ROR1: variants seen among roughly 807,000 people sequenced by gnomAD.
ROR1 encodes the protein ROR family WNT receptor 1.
A neutral mutation model predicts 78.8 loss-of-function variants in ROR1; 19 were observed. The observed-to-expected ratio is 0.24, with a 90% CI of 0.17 to 0.35. The LOEUF (loss-of-function observed/expected upper bound fraction) is 0.35, where lower values mean the gene tolerates loss of function less well. ROR1 is among the 10% of genes least tolerant of loss of function. ROR1 has a pLI of 1.00. For synonymous variants in ROR1, 386 were observed against 433.6 expected, an observed-to-expected ratio of 0.89 and a Z score of 1.36; for missense variants, 917 against 1,177.8, an observed-to-expected ratio of 0.78 and a Z score of 3.24.
At position 63,942,631 on chromosome 1, in the gene ROR1, C is replaced by G. The variant is rs1645850182; in HGVS notation, c.92-66674C>G. 2.0e-5 allele frequency among the ~76,000 whole-genome samples: 3 copies of G among 152,114 alleles called. No homozygotes were observed. The South Asian group carries it at 6.2e-4, about 32-fold the overall frequency. ...AAAAGGCGGTTCCTTTTAGAAAAAG[C>G]TTTGCAGGGAGGAGAGCTGTGCAGC... is the stretch of plus-strand genomic sequence containing the variant. On this transcript the variant is annotated intron_variant, in intron 1 of 8. Transcript: ENST00000371079.
intron 4 of ROR1, among the ~76,000 whole-genome samples, chr1:64,078,957 A>G (rs914621887): frequency 1.3e-5 from 2 of 152,168 alleles, no homozygotes; most frequent in Non-Finnish European, 2.9e-5. Flanking sequence ...TCAAAGGAGG[A>G]GGAGGAAAAT....
At chr1:63,878,455 G>C (rs1645302140) in intron 1 of ROR1, among the ~76,000 whole-genome samples, 1 of 151,548 alleles carries the variant, frequency 6.6e-6, no homozygotes, top group African/African-American at 2.4e-5. Flanking sequence ...CATTTTCTCT[G>C]TCCCCTTCTA....
At position 63,774,336 on chromosome 1, in the gene ROR1, G is replaced by A. The variant is rs1164965085; in HGVS notation, c.-82G>A. 10 of 931,048 alleles carry A rather than the reference G, an allele frequency of 1.1e-5. No individual in the cohort carries two copies. Among genetic ancestry groups the A allele is most frequent in the South Asian group, 1.8e-5 (1 of 56,518 alleles). 57.7% of individuals were successfully genotyped at this position (931,048 alleles called of 1,614,324 possible). A position where few individuals can be genotyped will look rare whatever the true frequency, so the allele number is the denominator to read the frequency against. On this transcript the variant is annotated 5_prime_UTR_variant, in exon 1 of 9. Coordinates refer to ENST00000371079, the MANE Select transcript of ROR1 (RefSeq NM_005012.4). This position sits in a 1 kb window ranked among gnomAD's most constrained non-coding sequence, Gnocchi z 5.7. ...CGAGCGCCAGCGGCCGGGACGAGGC[G>A]GCCGGGAGCCCGGGAAGAGCCCGTG...
intron 1 of ROR1, among the ~76,000 whole-genome samples, chr1:63,864,933 T>G (rs1165268835): frequency 6.6e-6 from 1 of 152,092 alleles, no homozygotes; most frequent in Non-Finnish European, 1.5e-5. Flanking sequence ...AAGCTTTTTA[T>G]TACTCATCCA....
intron 4 of ROR1, among the ~76,000 whole-genome samples, chr1:64,076,939 C>T (rs983568081): frequency 3.9e-5 from 6 of 152,008 alleles, no homozygotes; most frequent in Non-Finnish European, 8.8e-5. Flanking sequence ...AGCTGTGTGA[C>T]GTTGGAAAAC....
intron 4 of ROR1, among the ~76,000 whole-genome samples, chr1:64,084,801 G>T (rs1647137620): frequency 6.6e-6 from 1 of 152,196 alleles, no homozygotes; most frequent in Non-Finnish European, 1.5e-5. Context: ...ATAATTTGGG[G>T]ATGCCTTGAG....
intron 1 of ROR1, among the ~76,000 whole-genome samples, chr1:63,809,916 A>G (rs1644850374): frequency 6.6e-6 from 1 of 152,320 alleles, no homozygotes; most frequent in East Asian, 1.9e-4. Context: ...CATGAAATTC[A>G]ATTCTGTGGA....
chr1:64,023,661 A>G (rs1646584091), intron 2 of ROR1, among the ~76,000 whole-genome samples: 1 of 152,230 alleles, frequency 6.6e-6, no homozygotes, highest in Admixed American at 6.5e-5. Flanking sequence ...TTGTCTTTTT[A>G]ATGCATATAT....
In ROR1 at chr1:63,812,998, C is replaced by A. The variant is rs563814860; in HGVS notation, c.91+38490C>A. Among the ~76,000 whole-genome samples the A allele has an allele frequency of 3.0e-4, 46 of 151,806 alleles. No individual in the cohort carries two copies. The South Asian group carries it at 9.0e-3, about 30-fold the overall frequency. On this transcript the variant is annotated intron_variant, in intron 1 of 8. Transcript: ENST00000371079. ...CTGAGTGCTGTTAGGTGCTTCCCAC[C>A]ACTTTTTTAAATAAAAGAGACAGAT...
At chr1:64,055,163 C>T (rs554798514) in intron 4 of ROR1, among the ~76,000 whole-genome samples, 3 of 152,154 alleles carry the variant, frequency 2.0e-5, no homozygotes, top group Non-Finnish European at 4.4e-5. Flanking sequence ...ACCCATAACA[C>T]TTGATATTGC....
intron 1 of ROR1, among the ~76,000 whole-genome samples, chr1:63,995,610 A>G (rs1646330436): frequency 6.6e-6 from 1 of 152,172 alleles, no homozygotes; most frequent in Non-Finnish European, 1.5e-5. Flanking sequence ...GAAAGACTGG[A>G]TTTCAAATCT....
rs373928162 is a variant in ROR1, at chr1:64,093,981, C to T, written c.482+43265C>T. Among the ~76,000 whole-genome samples, 535 of 152,266 alleles carry T rather than the reference C, an allele frequency of 3.5e-3. 2 individuals carry two copies. Among genetic ancestry groups the T allele is most frequent in the South Asian group, 0.024 (115 of 4,818 alleles). On this transcript the variant is annotated intron_variant, in intron 4 of 8. Transcript: ENST00000371079. ...AAATCACTTATCCAGTGAAACTCAGCCAGAAGTGGCAGAACTTACATTGAA... is the reference window on the plus strand; with the variant it reads ...AAATCACTTATCCAGTGAAACTCAGTCAGAAGTGGCAGAACTTACATTGAA...
rs1346808148 is a variant in ROR1, at chr1:64,051,431, C to T, written c.482+715C>T. ...CGCCACTGCACTCCAGCCTGGGCAG[C>T]AGAGTGAGACTCCGTCTCAAAAATA... On this transcript the variant is annotated intron_variant, in intron 4 of 8. Coordinates refer to ENST00000371079, the MANE Select transcript of ROR1 (RefSeq NM_005012.4). Among the ~76,000 whole-genome samples the T allele has an allele frequency of 2.1e-5, 3 of 145,776 alleles. No homozygotes were observed. The East Asian group carries it at 6.1e-4, about 30-fold the overall frequency.
chr1:63,951,510 G>GCC (rs1245908301), intron 1 of ROR1, among the ~76,000 whole-genome samples: 1 of 152,196 alleles, frequency 6.6e-6, no homozygotes, highest in African/African-American at 2.4e-5. Context: ...TTGAACGGAG[G>GCC]CCTGGCTGGC....
At chr1:63,917,928 G>A (rs777628061) in intron 1 of ROR1, among the ~76,000 whole-genome samples, 20 of 152,176 alleles carry the variant, frequency 1.3e-4, no homozygotes, top group Non-Finnish European at 2.4e-4. Flanking sequence ...AAGGCAGTAG[G>A]GTGGTGGCTA....
chr1:64,080,232 G>A (rs1199733263), intron 4 of ROR1, among the ~76,000 whole-genome samples: 1 of 152,174 alleles, frequency 6.6e-6, no homozygotes, highest in Non-Finnish European at 1.5e-5. Flanking sequence ...CCCTCAGAGG[G>A]CATTTGACAA....
intron 1 of ROR1, among the ~76,000 whole-genome samples, chr1:63,847,821 C>A (rs1194860817): frequency 1.3e-5 from 2 of 152,134 alleles, no homozygotes; most frequent in Admixed American, 6.5e-5. Flanking sequence ...CAGATATACT[C>A]CCTGCTGCTG....
intron 1 of ROR1, among the ~76,000 whole-genome samples, chr1:63,874,198 A>T (rs1400371601): frequency 6.6e-6 from 1 of 152,208 alleles, no homozygotes; most frequent in East Asian, 1.9e-4. Context: ...TTTCCTGCAT[A>T]ATTACTCTCT....
At chr1:64,070,680 G>A (rs891761334) in intron 4 of ROR1, among the ~76,000 whole-genome samples, 7 of 152,134 alleles carry the variant, frequency 4.6e-5, no homozygotes, top group African/African-American at 1.4e-4. Context: ...ATCCTTGTGG[G>A]GGTTCATTTG....
Sources: gnomAD v4.1 joint callset for allele counts (sites outside exome capture counted in the v4.1 genomes callset) on GRCh38, gnomAD v4.1.1 for gene constraint, Gnocchi (gnomAD v3.1) non-coding constraint, MANE v1.5 for transcripts, NCBI Gene and HGNC (gene_info 2026-07-23, HGNC 2026-07-21) for gene names.